Variants in EYS observed in about 807,000 individuals in gnomAD.
EYS encodes the protein protein eyes shut homolog.
A neutral mutation model predicts 282.1 loss-of-function variants in EYS; 250 were observed. That is an observed-to-expected ratio of 0.89 (90% CI 0.80 to 0.98). EYS has a LOEUF of 0.98. EYS is among the 50% of genes least tolerant of loss of function. The pLI is 0.00. For missense variants in EYS, 4,016 were observed against 3,709.0 expected (o/e 1.08, Z -2.15); for synonymous variants, 1,355 against 1,282.9 (o/e 1.06, Z -1.20).
At chr6:64,989,198 G>A (rs945295233) in intron 14 of EYS, among the ~76,000 whole-genome samples, 1 of 150,398 alleles carries the variant, frequency 6.6e-6, no homozygotes, top group African/African-American at 2.4e-5. Flanking sequence ...CTTGTTCAAG[G>A]TAACACAGCT....
chr6:64,416,056 C>T (rs1774049899), intron 28 of EYS, among the ~76,000 whole-genome samples: 1 of 152,112 alleles, frequency 6.6e-6, no homozygotes, highest in Admixed American at 6.6e-5. Flanking sequence ...TTGGTCTCTC[C>T]TTGGAAAGGA....
At chr6:65,146,764 G>A (rs1764488928) in intron 12 of EYS, among the ~76,000 whole-genome samples, 1 of 151,892 alleles carries the variant, frequency 6.6e-6, no homozygotes, top group Admixed American at 6.6e-5. Context: ...TGTCTCAAGG[G>A]TAAGTCTAAA....
intron 19 of EYS, among the ~76,000 whole-genome samples, chr6:64,826,698 A>C (rs573019599): frequency 6.8e-6 from 1 of 146,334 alleles, no homozygotes; most frequent in Admixed American, 6.9e-5. Context: ...ATATATATAT[A>C]TATATCTGTC....
At chr6:63,777,271 GTC>G (rs1211169276) in intron 40 of EYS, among the ~76,000 whole-genome samples, 1 of 152,138 alleles carries the variant, frequency 6.6e-6, no homozygotes, top group Non-Finnish European at 1.5e-5. Context: ...GGTAGGCTCT[GTC>G]TTTCAGGAGA....
At chr6:65,128,830 G>T (rs1023865898) in intron 12 of EYS, among the ~76,000 whole-genome samples, 1 of 151,828 alleles carries the variant, frequency 6.6e-6, no homozygotes, top group African/African-American at 2.4e-5. Flanking sequence ...AATTCATATG[G>T]AACAATAGAA....
At chr6:64,290,149 C>G (rs1456374942) in intron 30 of EYS, among the ~76,000 whole-genome samples, 5 of 152,096 alleles carry the variant, frequency 3.3e-5, no homozygotes, top group Non-Finnish European at 5.9e-5. Flanking sequence ...GACTTCTGCT[C>G]TGTTTATTGG....
chr6:64,634,069 C>T (rs1003630393), intron 22 of EYS, among the ~76,000 whole-genome samples: 9 of 152,264 alleles, frequency 5.9e-5, no homozygotes, highest in Non-Finnish European at 8.8e-5. Context: ...CTTCAACCTC[C>T]GCCTCCCGAG....
intron 27 of EYS, among the ~76,000 whole-genome samples, chr6:64,437,723 GC>G (rs1774800555): frequency 1.3e-5 from 2 of 149,480 alleles, no homozygotes; most frequent in Middle Eastern, 3.2e-3. Flanking sequence ...ATATATGAAG[GC>G]TATGAAGGCT....
chr6:64,344,985 C>T (rs1291458930), intron 29 of EYS, among the ~76,000 whole-genome samples: 3 of 152,060 alleles, frequency 2.0e-5, no homozygotes, highest in Non-Finnish European at 4.4e-5. Flanking sequence ...AGGAATCCAA[C>T]TTACAAGGTA....
chr6:64,657,021 T>TA (rs1768775687), intron 22 of EYS, among the ~76,000 whole-genome samples: 1 of 152,184 alleles, frequency 6.6e-6, no homozygotes, highest in Non-Finnish European at 1.5e-5. Context: ...GGACTTGCTT[T>TA]ATGAATCTGG....
chr6:63,737,149 C>T (rs1768936598), intron 41 of EYS, among the ~76,000 whole-genome samples: 1 of 151,836 alleles, frequency 6.6e-6, no homozygotes, highest in Non-Finnish European at 1.5e-5. Flanking sequence ...TGAGAGAGGG[C>T]ATCCCTGTCT....
chr6:64,275,518 G>A (rs1034948510), intron 30 of EYS, among the ~76,000 whole-genome samples: 7 of 146,932 alleles, frequency 4.8e-5, no homozygotes, highest in Non-Finnish European at 7.4e-5. Context: ...CCGGGTTCAC[G>A]CCATTCTCCT....
chr6:65,476,206 A>C, intron 5 of EYS, among the ~76,000 whole-genome samples: 1 of 152,152 alleles, frequency 6.6e-6, no homozygotes, highest in East Asian at 1.9e-4. Flanking sequence ...ATGACGCATG[A>C]TATTTGTTTT....
intron 2 of EYS, among the ~76,000 whole-genome samples, chr6:65,564,370 A>G (rs1769191521): frequency 6.6e-6 from 1 of 152,168 alleles, no homozygotes; most frequent in South Asian, 2.1e-4. Flanking sequence ...CTGACTTCAA[A>G]CTATCCTACA....
chr6:64,451,870 G>C (rs1775362368), intron 26 of EYS, among the ~76,000 whole-genome samples: 1 of 152,108 alleles, frequency 6.6e-6, no homozygotes, highest in African/African-American at 2.4e-5. Context: ...AAAATAATAA[G>C]AGCTATCTAT....
At chr6:65,161,674 T>C (rs933683435) in intron 12 of EYS, among the ~76,000 whole-genome samples, 1 of 151,212 alleles carries the variant, frequency 6.6e-6, no homozygotes, top group Admixed American at 6.6e-5. Flanking sequence ...CAAAGAGATG[T>C]TCTGACACTG....
intron 2 of EYS, among the ~76,000 whole-genome samples, chr6:65,514,057 A>C (rs1210328651): frequency 6.6e-6 from 1 of 152,064 alleles, no homozygotes; most frequent in East Asian, 1.9e-4. Context: ...GTCTCAGCCC[A>C]AAATCTCCTT....
At chr6:64,538,917 C>T (rs1166703164) in intron 26 of EYS, among the ~76,000 whole-genome samples, 14 of 152,042 alleles carry the variant, frequency 9.2e-5, no homozygotes, top group Admixed American at 6.6e-5. Context: ...CTAGTAATTG[C>T]GCTGCTAACC....
At chr6:65,180,440 T>G (rs1425487248) in intron 12 of EYS, among the ~76,000 whole-genome samples, 2 of 151,934 alleles carry the variant, frequency 1.3e-5, no homozygotes, top group African/African-American at 2.4e-5. Flanking sequence ...AAATCATGAG[T>G]GAACTCCCAT....
Sources: gnomAD v4.1 joint callset for allele counts (sites outside exome capture counted in the v4.1 genomes callset) on GRCh38, gnomAD v4.1.1 for gene constraint, MANE v1.5 for transcripts, NCBI Gene and HGNC (gene_info 2026-07-23, HGNC 2026-07-21) for gene names.